Variants in RANBP2 observed in about 807,000 individuals in gnomAD.
The protein encoded by RANBP2 is E3 SUMO-protein ligase RanBP2.
In RANBP2, 57 loss-of-function variants were observed where a neutral mutation model predicts 303.6. The ratio of observed to expected loss-of-function variants is 0.19; its 90% CI spans 0.15 to 0.23. RANBP2 has a LOEUF of 0.23. Ranked by LOEUF, RANBP2 falls within the 10% of genes least tolerant of loss-of-function variation. The pLI is 1.00. For synonymous variants in RANBP2, 1,167 were observed against 1,301.5 expected (o/e 0.90, Z 2.23); for missense variants, 3,138 against 3,780.8 (o/e 0.83, Z 4.46).
the RANBP2 span, among the ~76,000 whole-genome samples, chr2:109,213,599 G>C: frequency 2.2e-4 from 34 of 152,314 alleles, no homozygotes; most frequent in African/African-American, 8.2e-4. Context: ...GACACCAGCT[G>C]TGTCCAACAC....
At chr2:109,590,566 G>A in the RANBP2 span, among the ~76,000 whole-genome samples, 1 of 152,138 alleles carries the variant, frequency 6.6e-6, no homozygotes, top group East Asian at 1.9e-4. Context: ...CGAGCAGCTA[G>A]GATTATAGGT....
the RANBP2 span, among the ~76,000 whole-genome samples, chr2:109,611,697 G>A: frequency 6.6e-6 from 1 of 152,138 alleles, no homozygotes; most frequent in African/African-American, 2.4e-5. Context: ...GGAGATTGAG[G>A]CTGAGGTTGA....
the RANBP2 span, among the ~76,000 whole-genome samples, chr2:109,262,228 A>G: frequency 6.6e-6 from 1 of 152,234 alleles, no homozygotes; most frequent in Non-Finnish European, 1.5e-5. Context: ...ATGATTCTGC[A>G]TTTAACCATC....
the RANBP2 span, among the ~76,000 whole-genome samples, chr2:109,591,215 A>G: frequency 3.9e-5 from 6 of 152,236 alleles, no homozygotes; most frequent in Admixed American, 1.3e-4. Flanking sequence ...TAAGAACTTC[A>G]TAACTTGTTA....
the RANBP2 span, among the ~76,000 whole-genome samples, chr2:109,150,343 G>A: frequency 6.6e-6 from 1 of 152,138 alleles, no homozygotes; most frequent in South Asian, 2.1e-4. Flanking sequence ...GAGGATGGCC[G>A]AGGCAGGTGG....
chr2:109,207,314 C>CT, the RANBP2 span, among the ~76,000 whole-genome samples: 1 of 152,064 alleles, frequency 6.6e-6, no homozygotes, highest in Non-Finnish European at 1.5e-5. Context: ...GAATTTGTCT[C>CT]TAATTTATGC....
chr2:109,533,607 A>G, the RANBP2 span, among the ~76,000 whole-genome samples: 1 of 152,212 alleles, frequency 6.6e-6, no homozygotes, highest in African/African-American at 2.4e-5. Context: ...TGTCATGTCA[A>G]CTTTTAACAG....
the RANBP2 span, among the ~76,000 whole-genome samples, chr2:109,506,089 A>G: frequency 6.6e-6 from 1 of 152,192 alleles, no homozygotes; most frequent in Non-Finnish European, 1.5e-5. Context: ...TTTAGCAACC[A>G]CAGAGAGAAC....
chr2:108,800,307 C>A, the RANBP2 span, among the ~76,000 whole-genome samples: 1 of 152,152 alleles, frequency 6.6e-6, no homozygotes. Flanking sequence ...CTCTGTCATC[C>A]AGGCTGGAGT....
chr2:109,491,120 A>T, the RANBP2 span, among the ~76,000 whole-genome samples: 3 of 152,184 alleles, frequency 2.0e-5, no homozygotes, highest in African/African-American at 4.8e-5. Context: ...GAGTCTGGGA[A>T]CTGGAGTGTT....
At chr2:109,473,475 A>G in the RANBP2 span, among the ~76,000 whole-genome samples, 4 of 152,180 alleles carry the variant, frequency 2.6e-5, no homozygotes, top group Non-Finnish European at 5.9e-5. Flanking sequence ...GGGATGTAAA[A>G]TAGCAGATAT....
the RANBP2 span, among the ~76,000 whole-genome samples, chr2:109,731,683 G>A: frequency 6.6e-6 from 1 of 152,014 alleles, no homozygotes; most frequent in Non-Finnish European, 1.5e-5. Context: ...GTGAGCCACT[G>A]CGCGCGGCCA....
At chr2:108,783,506 A>G in intron 28 of RANBP2, 90 bp from the exon 29 acceptor site, 1 of 918,838 alleles carries the variant, frequency 1.1e-6, no homozygotes, top group Non-Finnish European at 1.7e-6. Context: ...ACATGTAGTG[A>G]TGAGTTCTGT....
the RANBP2 span, among the ~76,000 whole-genome samples, chr2:109,301,335 CGTGTGT>C: frequency 0.017 from 2,261 of 132,104 alleles, 30 homozygotes; most frequent in Middle Eastern, 0.041. Context: ...ATCTGTGTGA[CGTGTGT>C]GTGTGTGTGT....
the RANBP2 span, among the ~76,000 whole-genome samples, chr2:108,921,497 G>C: frequency 6.6e-6 from 1 of 152,206 alleles, no homozygotes; most frequent in Non-Finnish European, 1.5e-5. Flanking sequence ...CTGTGGGTTT[G>C]ACAAAGACAG....
downstream of RANBP2, among the ~76,000 whole-genome samples, chr2:108,786,155 G>A (rs749561468): frequency 6.6e-6 from 1 of 151,250 alleles, no homozygotes; most frequent in Admixed American, 6.6e-5. Context: ...TTTTTCCAGG[G>A]TGCTTACATT....
intron 4 of RANBP2, 43 bp downstream of exon 4, chr2:108,731,517 C>CA: frequency 1.2e-6 from 2 of 1,609,706 alleles, no homozygotes; most frequent in Non-Finnish European, 1.7e-6. Context: ...AAGACATAAC[C>CA]ATTTCTAATA....
At chr2:108,809,524 C>T in the RANBP2 span, among the ~76,000 whole-genome samples, 2 of 149,994 alleles carry the variant, frequency 1.3e-5, no homozygotes, top group Non-Finnish European at 3.0e-5. Context: ...TTATAGTTTT[C>T]ATCGTGGAAA....
At chr2:108,928,338 C>A in the RANBP2 span, among the ~76,000 whole-genome samples, 4 of 152,204 alleles carry the variant, frequency 2.6e-5, no homozygotes, top group African/African-American at 9.7e-5. Flanking sequence ...GCTGACACTA[C>A]CTCCCCAGCC....
Sources: allele counts gnomAD v4.1 joint callset (sites outside exome capture counted in the v4.1 genomes callset), GRCh38; gene constraint gnomAD v4.1.1; transcripts MANE v1.5; gene names NCBI Gene and HGNC (gene_info 2026-07-23, HGNC 2026-07-21).